The following UBR3 variants were observed in gnomAD, a reference collection of about 807,000 sequenced individuals.
The protein encoded by UBR3 is E3 ubiquitin-protein ligase UBR3.
UBR3 carries 85 observed loss-of-function variants against 243.2 expected under a neutral mutation model. That is an observed-to-expected ratio of 0.35 (90% CI 0.29 to 0.42). The LOEUF (loss-of-function observed/expected upper bound fraction) is 0.42, where lower values mean the gene tolerates loss of function less well. UBR3 is among the 10% of genes least tolerant of loss of function. The probability of loss-of-function intolerance (pLI) is 1.00; values close to 1 mark genes in which losing one functional copy is unlikely to be tolerated. For synonymous variants in UBR3, 748 were observed against 799.8 expected (o/e 0.94, Z 1.09); for missense variants, 1,686 against 2,300.8 (o/e 0.73, Z 5.47).
rs781365209 is a variant in UBR3, at chr2:169,827,707, C to T, written c.200C>T (p.Ala67Val). Reference protein sequence around the residue: ...RVLSAERPLAAAAGGEDAAAA... With the variant: ...RVLSAERPLAVAAGGEDAAAA... Reference sequence around the variant, plus strand: ...CTGAGCGCCGAGCGGCCGCTGGCCGCGGCTGCCGGCGGCGAGGACGCGGCG... The same window carrying T: ...CTGAGCGCCGAGCGGCCGCTGGCCGTGGCTGCCGGCGGCGAGGACGCGGCG... Residue 67 changes from alanine to valine, a missense_variant, in exon 1 of 39, where the codon GCG becomes GTG. By Grantham distance (64) the Ala-to-Val change is moderately conservative (BLOSUM62 0). This residue lies in a region of UBR3 where 145 missense variants were observed against 243.8 expected (regional missense o/e 0.59). Coordinates refer to ENST00000272793, the MANE Select transcript of UBR3 (RefSeq NM_172070.4). The T allele has an allele frequency of 8.2e-7, 1 of 1,220,040 alleles. No individual in the cohort carries two copies. Among genetic ancestry groups the T allele is most frequent in the Non-Finnish European group, 1.0e-6 (1 of 983,890 alleles). The allele number at this position is 1,220,040 out of a possible 1,614,324, so 75.6% of individuals were successfully genotyped here. A position where few individuals can be genotyped will look rare whatever the true frequency, so the allele number is the denominator to read the frequency against.
intron 30 of UBR3, among the ~76,000 whole-genome samples, chr2:170,028,687 G>T (rs1010133109): frequency 1.5e-3 from 32 of 20,752 alleles, no homozygotes; most frequent in Non-Finnish European, 5.9e-3. Context: ...GCAATACTTA[G>T]GGTTTTTTTT....
At chr2:170,013,879 A>T (rs994136477) in intron 29 of UBR3, 13 of 469,318 alleles carry the variant, frequency 2.8e-5, no homozygotes, top group African/African-American at 2.6e-4. Context: ...AAATGTATTG[A>T]TCTCATTTAT....
chr2:170,011,457 G>T (rs2090079118), intron 29 of UBR3, among the ~76,000 whole-genome samples: 1 of 151,908 alleles, frequency 6.6e-6, no homozygotes, highest in South Asian at 2.1e-4. Context: ...TAATTCATTA[G>T]AACTTGCACA....
chr2:169,839,595 A>G (rs981199976), intron 1 of UBR3, among the ~76,000 whole-genome samples: 2 of 152,228 alleles, frequency 1.3e-5, no homozygotes, highest in African/African-American at 4.8e-5. Context: ...TTTGATCTTT[A>G]CAAATTATAT....
At chr2:169,951,463 A>G (rs1278176372) in intron 23 of UBR3, among the ~76,000 whole-genome samples, 2 of 152,150 alleles carry the variant, frequency 1.3e-5, no homozygotes, top group Non-Finnish European at 2.9e-5. Context: ...ACCTCGAGGA[A>G]TTGATACTAT....
At chr2:169,882,227 A>G (rs1414027677) in intron 5 of UBR3, among the ~76,000 whole-genome samples, 1 of 133,832 alleles carries the variant, frequency 7.5e-6, no homozygotes, top group Admixed American at 8.1e-5. Flanking sequence ...TATATTATAT[A>G]CATATATTTA....
chr2:169,931,923 C>A (rs1294864095), intron 18 of UBR3, among the ~76,000 whole-genome samples: 2 of 151,948 alleles, frequency 1.3e-5, no homozygotes, highest in Non-Finnish European at 1.5e-5. Context: ...ATCTTGTGAA[C>A]CATCAGTTGT....
intron 1 of UBR3, among the ~76,000 whole-genome samples, chr2:169,859,656 C>G (rs2083017921): frequency 6.6e-6 from 1 of 151,930 alleles, no homozygotes; most frequent in African/African-American, 2.4e-5. Flanking sequence ...TAGTGTCATT[C>G]TACTGTTAAT....
intron 1 of UBR3, among the ~76,000 whole-genome samples, chr2:169,844,617 C>A (rs978681312): frequency 2.0e-5 from 3 of 151,924 alleles, no homozygotes; most frequent in Non-Finnish European, 2.9e-5. Flanking sequence ...CCTCAGCCTC[C>A]CCAGTAGCTG....
chr2:169,837,745 C>T (rs935186979), intron 1 of UBR3, among the ~76,000 whole-genome samples: 1 of 152,186 alleles, frequency 6.6e-6, no homozygotes, highest in African/African-American at 2.4e-5. Flanking sequence ...TCCACCTCAT[C>T]CCACCCTTGA....
intron 25 of UBR3, among the ~76,000 whole-genome samples, chr2:169,993,206 G>A (rs529075424): frequency 5.7e-4 from 86 of 152,210 alleles, no homozygotes; most frequent in African/African-American, 1.9e-3. Flanking sequence ...AATAAAAATT[G>A]TACATATTTA....
Position 169,928,865 on chromosome 2 carries a change from A to C in UBR3, c.2563A>C (p.Lys855Gln). 6.9e-7 allele frequency: 1 copy of C among 1,442,608 alleles called. No individual in the cohort carries two copies. Among genetic ancestry groups the C allele is most frequent in the Non-Finnish European group, 9.3e-7 (1 of 1,076,504 alleles). The allele number at this position is 1,442,608 out of a possible 1,614,324, so 89.4% of individuals were successfully genotyped here. Residue 855 changes from lysine (K) to glutamine (Q), a missense_variant, in exon 18 of 39, where the codon AAA (lysine) becomes CAA (glutamine). By Grantham distance (53) the Lys-to-Gln change is moderately conservative. This residue lies in a region of UBR3 where 346 missense variants were observed against 585.8 expected (regional missense o/e 0.59). Coordinates refer to ENST00000272793, the MANE Select transcript of UBR3 (RefSeq NM_172070.4). ...TATGCAACAAGGCATGTATACTCCC[A>C]AAGGTATGTTTATATACATAAATGG... ...GSMQQGMYTP[K>Q]AEVWDQEFDP...
chr2:169,917,560 G>A (rs907540306), intron 11 of UBR3, among the ~76,000 whole-genome samples: 2 of 152,180 alleles, frequency 1.3e-5, no homozygotes, highest in African/African-American at 4.8e-5. Flanking sequence ...CAGAGCAGCT[G>A]AACTCTAGGA....
chr2:169,830,272 C>T (rs1016361444), intron 1 of UBR3, among the ~76,000 whole-genome samples: 6 of 152,114 alleles, frequency 3.9e-5, no homozygotes, highest in Admixed American at 1.3e-4. Context: ...GATAAATTCT[C>T]AAAAGTGTGA....
At chr2:170,070,239 TG>T (rs533585339) in intron 35 of UBR3, among the ~76,000 whole-genome samples, 7 of 152,002 alleles carry the variant, frequency 4.6e-5, no homozygotes, top group Non-Finnish European at 1.0e-4. Context: ...ATTGAATAAA[TG>T]GGGGGGAAAC....
intron 19 of UBR3, 66 bp from the exon 20 acceptor site, chr2:169,942,422 ATAAAT>A: frequency 7.0e-7 from 1 of 1,430,962 alleles, no homozygotes; most frequent in South Asian, 1.4e-5. Flanking sequence ...ATTGGTGTCT[ATAAAT>A]TACATTTAAA....
At chr2:170,076,877 G>C (rs894397170) in intron 36 of UBR3, among the ~76,000 whole-genome samples, 6 of 152,056 alleles carry the variant, frequency 3.9e-5, no homozygotes, top group African/African-American at 7.2e-5. Flanking sequence ...GTGGTGGTAG[G>C]GGTTTTTAAG....
intron 1 of UBR3, among the ~76,000 whole-genome samples, chr2:169,841,087 C>A (rs1361082696): frequency 2.6e-5 from 4 of 152,204 alleles, no homozygotes; most frequent in Non-Finnish European, 5.9e-5. Flanking sequence ...GAAACAGTCA[C>A]ACCTTTGCCA....
Position 170,061,429 on chromosome 2 carries a change from T to G in UBR3, c.5005T>G (p.Leu1669Val). 6.2e-7 allele frequency: 1 copy of G among 1,613,760 alleles called. No homozygotes were observed. The highest frequency in any genetic ancestry group is 8.5e-7 in the Non-Finnish European group (1 of 1,179,924). Residue 1669 changes from leucine (L) to valine (V), a missense_variant, in exon 35 of 39, where the codon TTA (leucine) becomes GTA (valine). Transcript: ENST00000272793. ...LLQHHLFGEDLPSCQEEEEFS... is the reference protein window; with the variant it reads ...LLQHHLFGEDVPSCQEEEEFS... ...TCAGCACCACCTTTTTGGGGAAGAT[T>G]TACCTAGCTGCCAGGTAGATAATTT...
Sources: allele counts gnomAD v4.1 joint callset (sites outside exome capture counted in the v4.1 genomes callset), GRCh38; gene constraint gnomAD v4.1.1; regional missense constraint gnomAD v4.1.1; transcripts MANE v1.5; gene names NCBI Gene and HGNC (gene_info 2026-07-23, HGNC 2026-07-21).